The following GLDC variants were observed in gnomAD, a reference collection of about 807,000 sequenced individuals.
GLDC encodes the protein glycine dehydrogenase (decarboxylating), mitochondrial.
GLDC carries 104 observed loss-of-function variants against 121.3 expected under a neutral mutation model. The observed-to-expected ratio is 0.86, with a 90% confidence interval of 0.73 to 1.01. The LOEUF (loss-of-function observed/expected upper bound fraction) is 1.01, where lower values mean the gene tolerates loss of function less well. Ranked by LOEUF, GLDC falls within the 50% of genes least tolerant of loss-of-function variation. The probability of loss-of-function intolerance (pLI) is 0.00; values close to 1 mark genes in which losing one functional copy is unlikely to be tolerated. For synonymous variants in GLDC, 546 were observed against 480.6 expected (o/e 1.14, Z -1.78); for missense variants, 1,429 against 1,306.6 (o/e 1.09, Z -1.44).
chr9:6,613,056 C>G (rs1818893997), intron 3 of GLDC, among the ~76,000 whole-genome samples: 1 of 152,120 alleles, frequency 6.6e-6, no homozygotes, highest in South Asian at 2.1e-4. Context: ...CTGGTTTTCT[C>G]TGGGAGGTAA....
intron 2 of GLDC, among the ~76,000 whole-genome samples, chr9:6,644,052 GAAAA>G (rs905678567): frequency 3.9e-5 from 2 of 51,728 alleles, no homozygotes; most frequent in Non-Finnish European, 6.8e-5. Context: ...AAAAAAAAAC[GAAAA>G]AAAAAAGAAA....
intron 15 of GLDC, among the ~76,000 whole-genome samples, chr9:6,567,698 C>T (rs572821392): frequency 3.3e-5 from 5 of 152,332 alleles, no homozygotes; most frequent in South Asian, 2.1e-4. Context: ...TAATCCTCTA[C>T]CTCCTCCAAA....
intron 8 of GLDC, among the ~76,000 whole-genome samples, chr9:6,596,663 G>A (rs1254529221): frequency 1.3e-5 from 2 of 152,082 alleles, no homozygotes; most frequent in Non-Finnish European, 2.9e-5. Context: ...TAGTTATTAG[G>A]GAAATACAAA....
intron 17 of GLDC, among the ~76,000 whole-genome samples, 197 bp from the exon 18 acceptor site, chr9:6,556,499 T>C (rs1817634282): frequency 6.6e-6 from 1 of 152,074 alleles, no homozygotes; most frequent in African/African-American, 2.4e-5. Flanking sequence ...TCCAAAGAAA[T>C]AATAAGATCC....
intron 4 of GLDC, among the ~76,000 whole-genome samples, chr9:6,609,497 C>T (rs547776538): frequency 6.6e-6 from 1 of 152,190 alleles, no homozygotes; most frequent in East Asian, 1.9e-4. Flanking sequence ...ACCCTCATGC[C>T]TTTACACTCA....
At chr9:6,591,252 C>A (rs1348122905) in intron 11 of GLDC, among the ~76,000 whole-genome samples, 1 of 152,212 alleles carries the variant, frequency 6.6e-6, no homozygotes, top group Admixed American at 6.5e-5. Flanking sequence ...AACACTCGGA[C>A]CCATCTTCCT....
At chr9:6,575,468 C>CT in intron 15 of GLDC, among the ~76,000 whole-genome samples, 1 of 152,330 alleles carries the variant, frequency 6.6e-6, no homozygotes, top group African/African-American at 2.4e-5. Flanking sequence ...CTACTCCAGA[C>CT]TTACTGAATC....
chr9:6,602,601 C>T (rs1163907247), intron 7 of GLDC, among the ~76,000 whole-genome samples: 2 of 152,090 alleles, frequency 1.3e-5, no homozygotes, highest in African/African-American at 2.4e-5. Context: ...GATCCGCCTG[C>T]CTTGGCCTCC....
At chr9:6,584,195 C>T (rs758461422) in intron 15 of GLDC, among the ~76,000 whole-genome samples, 2 of 152,206 alleles carry the variant, frequency 1.3e-5, no homozygotes, top group East Asian at 1.9e-4. Flanking sequence ...ACTCTACAGA[C>T]ACATTGACTG....
chr9:6,638,129 C>A (rs536405947), intron 2 of GLDC, among the ~76,000 whole-genome samples: 1 of 152,060 alleles, frequency 6.6e-6, no homozygotes, highest in South Asian at 2.1e-4. Context: ...AAGTGCTTGC[C>A]GAATTATGTC....
intron 20 of GLDC, among the ~76,000 whole-genome samples, chr9:6,552,452 A>C (rs1817536042): frequency 1.3e-5 from 2 of 152,240 alleles, no homozygotes; most frequent in Admixed American, 1.3e-4. Context: ...TGTTGTTTGC[A>C]AAACAACTTG....
chr9:6,542,955 T>G (rs1264735559), intron 21 of GLDC, among the ~76,000 whole-genome samples: 1 of 138,540 alleles, frequency 7.2e-6, no homozygotes, highest in Non-Finnish European at 1.6e-5. Context: ...AGGGAAAAAA[T>G]GCTGAAACAG....
At chr9:6,554,305 G>GA (rs954896515) in intron 19 of GLDC, among the ~76,000 whole-genome samples, 30 of 146,482 alleles carry the variant, frequency 2.0e-4, no homozygotes, top group Admixed American at 4.8e-4. Flanking sequence ...TTTTAAAAAA[G>GA]AAAAAAAAAA....
chr9:6,534,717 T>A lies in GLDC; in HGVS notation c.2910A>T (p.Ala970=). 1 of 1,583,808 alleles carries A rather than the reference T, an allele frequency of 6.3e-7. No individual in the cohort carries two copies. The highest frequency in any genetic ancestry group is 8.7e-7 in the Non-Finnish European group (1 of 1,152,504). The change falls in exon 24 of 25, where the codon GCA becomes GCT. Residue 970 remains alanine (A), a synonymous_variant. Transcript: ENST00000321612. The part of the protein sequence containing the change: ...WDRPYSREVA[A]FPLPFVKPEN... ...GATTCAGAGAACTTACGAGTGGGAA[T>A]GCTGCCACCTCTCTGGAATAAGGCC...
chr9:6,541,938 A>G (rs1180410572), intron 21 of GLDC: 1 of 141,708 alleles, frequency 7.1e-6, no homozygotes, highest in African/African-American at 2.6e-5. Flanking sequence ...AAAAAAAAAA[A>G]CTTCAAAAAC....
Position 6,556,172 on chromosome 9 carries a change from C to A in GLDC, c.2183G>T (p.Gly728Val), listed in dbSNP as rs1817626453. The change falls in exon 18 of 25, where the codon GGG becomes GTG. Residue 728 changes from glycine (G) to valine (V), a missense_variant. Coordinates refer to ENST00000321612, the MANE Select transcript of GLDC (RefSeq NM_000170.3). ...HQHGGQVYLDGANMNAQVGIC... is the reference protein window; with the variant it reads ...HQHGGQVYLDVANMNAQVGIC... ...TCCCACCTGAGCATTCATATTTGCC[C>A]CGTCTAGGTAGACCTGTCCTCCATG... 1 of 1,613,100 alleles carries A rather than the reference C, an allele frequency of 6.2e-7. No individual in the cohort carries two copies. The highest frequency in any genetic ancestry group is 8.5e-7 in the Non-Finnish European group (1 of 1,179,582).
At chr9:6,569,607 G>A (rs1223218320) in intron 15 of GLDC, among the ~76,000 whole-genome samples, 4 of 152,124 alleles carry the variant, frequency 2.6e-5, no homozygotes, top group Non-Finnish European at 5.9e-5. Context: ...AGCTGAGATC[G>A]CACCACTGCA....
At chr9:6,608,770 A>T (rs1054291630) in intron 4 of GLDC, among the ~76,000 whole-genome samples, 1 of 150,756 alleles carries the variant, frequency 6.6e-6, no homozygotes, top group Non-Finnish European at 1.5e-5. Flanking sequence ...ATTAATAAAT[A>T]ATAAATAAAT....
At position 6,553,403 on chromosome 9, in the gene GLDC, T is replaced by C; in HGVS notation, c.2422A>G (p.Ser808Gly). Residue 808 changes from serine (S) to glycine (G), a missense_variant, in exon 20 of 25, where the codon AGT becomes GGT. Transcript: ENST00000321612. ...GCCCAGGAAATGGGCAAGATGGAAC[T>C]GGAGCCCCATGGGGCCGCACTGACG... ...GTVSAAPWGS[S>G]SILPISWAYI... 1 of 1,614,000 alleles carries C rather than the reference T, an allele frequency of 6.2e-7. No homozygotes were observed. Among genetic ancestry groups the C allele is most frequent in the South Asian group, 1.1e-5 (1 of 91,072 alleles).
Sources: gnomAD v4.1 joint callset for allele counts (sites outside exome capture counted in the v4.1 genomes callset) on GRCh38, gnomAD v4.1.1 for gene constraint, MANE v1.5 for transcripts, NCBI Gene and HGNC (gene_info 2026-07-23, HGNC 2026-07-21) for gene names.